RARB: variants seen among roughly 807,000 people sequenced by gnomAD.
RARB encodes the protein retinoic acid receptor beta.
Under a neutral mutation model 51.9 loss-of-function variants are expected in RARB, and 17 were observed. That is an observed-to-expected ratio of 0.33 (90% CI 0.22 to 0.49). The LOEUF is 0.49. Ranked by LOEUF, RARB falls within the 20% of genes least tolerant of loss-of-function variation. RARB has a pLI of 0.99. For synonymous variants in RARB, 215 were observed against 195.4 expected (o/e 1.10, Z -0.84); for missense variants, 369 against 550.8 (o/e 0.67, Z 3.30).
intron 4 of RARB, among the ~76,000 whole-genome samples, chr3:25,146,795 A>C (rs1447684099): frequency 6.6e-6 from 1 of 151,974 alleles, no homozygotes; most frequent in African/African-American, 2.4e-5. Flanking sequence ...CTAGGATTAC[A>C]GGCATGAGCC....
intron 3 of RARB, among the ~76,000 whole-genome samples, chr3:25,113,275 G>C (rs1398668139): frequency 1.3e-5 from 2 of 152,000 alleles, no homozygotes; most frequent in African/African-American, 2.4e-5. Context: ...GACACATTCT[G>C]TTCCCAGTTT....
At chr3:25,400,901 AT>A (rs1707245913) in intron 5 of RARB, among the ~76,000 whole-genome samples, 2 of 151,768 alleles carry the variant, frequency 1.3e-5, no homozygotes, top group Admixed American at 6.6e-5. Flanking sequence ...AAACTAAAAT[AT>A]AAATATAAAA....
At chr3:25,054,497 C>T (rs548012080) in intron 2 of RARB, among the ~76,000 whole-genome samples, 1 of 152,264 alleles carries the variant, frequency 6.6e-6, no homozygotes, top group East Asian at 1.9e-4. Flanking sequence ...ACCATGATCT[C>T]ACTTTGTATA....
intron 1 of RARB, among the ~76,000 whole-genome samples, chr3:24,856,122 T>C (rs1432508739): frequency 6.6e-6 from 1 of 152,200 alleles, no homozygotes. Context: ...ATCTTCATTC[T>C]TCTCATATAA....
chr3:25,082,081 T>C (rs1699016996), intron 3 of RARB, among the ~76,000 whole-genome samples: 1 of 152,176 alleles, frequency 6.6e-6, no homozygotes. Flanking sequence ...CACTTCAGCT[T>C]CCTTGATACT....
At chr3:24,949,486 G>C (rs540788325) in intron 2 of RARB, among the ~76,000 whole-genome samples, 2 of 152,140 alleles carry the variant, frequency 1.3e-5, no homozygotes, top group African/African-American at 4.8e-5. Context: ...GCAATTTAAG[G>C]TTTGTAATGT....
chr3:25,072,215 A>G (rs116825104), intron 3 of RARB, among the ~76,000 whole-genome samples: 2,273 of 152,368 alleles, frequency 0.015, 24 homozygotes, highest in Non-Finnish European at 0.024. Context: ...TTAGGAAAAT[A>G]AGTTTAATAA....
chr3:25,164,130 G>A (rs1700522824), intron 4 of RARB, among the ~76,000 whole-genome samples: 1 of 152,154 alleles, frequency 6.6e-6, no homozygotes, highest in Non-Finnish European at 1.5e-5. Flanking sequence ...ATACAGTCTG[G>A]CCACTGGGGA....
chr3:25,296,100 A>AT (rs1346089299), intron 5 of RARB, among the ~76,000 whole-genome samples: 1 of 152,184 alleles, frequency 6.6e-6, no homozygotes, highest in Non-Finnish European at 1.5e-5. Flanking sequence ...ATCTTACATA[A>AT]TAGAATGAGC....
intron 2 of RARB, among the ~76,000 whole-genome samples, chr3:24,920,090 T>G (rs1695187226): frequency 6.6e-6 from 1 of 152,230 alleles, no homozygotes; most frequent in Admixed American, 6.5e-5. Context: ...AAAAAGCAAT[T>G]GCATTAGTTT....
chr3:25,012,800 T>C (rs1033856823), intron 2 of RARB, among the ~76,000 whole-genome samples: 4 of 152,126 alleles, frequency 2.6e-5, no homozygotes, highest in Non-Finnish European at 4.4e-5. Context: ...AATTTGATTA[T>C]TGTTTGGCTT....
intron 2 of RARB, among the ~76,000 whole-genome samples, chr3:24,913,815 A>C (rs563835874): frequency 1.3e-5 from 2 of 152,292 alleles, no homozygotes; most frequent in East Asian, 3.9e-4. Context: ...TGAATTTGTA[A>C]ATCTAAAAGC....
At chr3:25,214,554 C>A (rs543978392) in intron 5 of RARB, among the ~76,000 whole-genome samples, 2 of 152,108 alleles carry the variant, frequency 1.3e-5, no homozygotes, top group African/African-American at 4.8e-5. Flanking sequence ...TTTTTCACAT[C>A]GAATAAATGG....
rs7619443 is a variant in RARB at position 25,214,829 on chromosome 3, T to C, written c.178+40254T>C. 5.4e-3 allele frequency among the ~76,000 whole-genome samples: 828 copies of C among 152,308 alleles called. 14 individuals are homozygous for C. Among genetic ancestry groups the C allele is most frequent in the African/African-American group, 0.018 (731 of 41,568 alleles). ...GTATGCAAAAACAGAGGCTAAGCCT[T>C]TTCCCCAGTGTCATGTAGTTAGCAT... On this transcript the variant is annotated intron_variant, in intron 5 of 11. Transcript: ENST00000383772.
intron 5 of RARB, among the ~76,000 whole-genome samples, chr3:25,194,191 C>G (rs770902055): frequency 2.0e-5 from 3 of 151,706 alleles, no homozygotes; most frequent in Admixed American, 1.3e-4. Context: ...ATGTGGAATC[C>G]TAACACCATT....
chr3:25,256,560 G>T (rs1187065444), intron 5 of RARB, among the ~76,000 whole-genome samples: 2 of 152,122 alleles, frequency 1.3e-5, no homozygotes, highest in African/African-American at 2.4e-5. Context: ...AAAACCCTGT[G>T]CTGCAAAGTA....
intron 5 of RARB, among the ~76,000 whole-genome samples, chr3:25,414,472 T>C (rs1259213673): frequency 1.3e-5 from 2 of 152,216 alleles, no homozygotes; most frequent in South Asian, 2.1e-4. Context: ...TAAGAATATG[T>C]TCACCTTTTT....
intron 1 of RARB, among the ~76,000 whole-genome samples, chr3:24,840,979 T>A (rs1257427070): frequency 6.6e-6 from 1 of 152,144 alleles, no homozygotes; most frequent in Non-Finnish European, 1.5e-5. Context: ...GTGATTCACA[T>A]GCAATGAGGG....
At chr3:25,563,448 G>A (rs973208917) in intron 3 of RARB, among the ~76,000 whole-genome samples, 1 of 152,152 alleles carries the variant, frequency 6.6e-6, no homozygotes, top group African/African-American at 2.4e-5. Flanking sequence ...GAATTCACAT[G>A]GCAGGCACTT....
Sources: allele counts gnomAD v4.1 joint callset (sites outside exome capture counted in the v4.1 genomes callset), GRCh38; gene constraint gnomAD v4.1.1; transcripts MANE v1.5; gene names NCBI Gene and HGNC (gene_info 2026-07-23, HGNC 2026-07-21).